CD244: variants seen among roughly 807,000 people sequenced by gnomAD.
The protein encoded by CD244 is CD244 molecule.
A neutral mutation model predicts 45.5 loss-of-function variants in CD244; 20 were observed. The ratio of observed to expected loss-of-function variants is 0.44; its 90% CI spans 0.31 to 0.64. The LOEUF is 0.64. CD244 is among the 30% of genes least tolerant of loss of function. The pLI, the probability that CD244 is intolerant of heterozygous loss-of-function variation, is 0.08. For synonymous variants in CD244, 185 were observed against 160.5 expected, an observed-to-expected ratio of 1.15 and a Z score of -1.15; for missense variants, 407 against 426.9, an observed-to-expected ratio of 0.95 and a Z score of 0.41.
At position 160,832,377 on chromosome 1, in the gene CD244, A is replaced by G. The variant is rs1669156565; in HGVS notation, c.1017+142T>C. 1.6e-5 allele frequency: 10 copies of G among 621,204 alleles called. No individual in the cohort carries two copies. The Admixed American group carries it at 2.6e-4, about 16-fold the overall frequency. The allele number at this position is 621,204 out of a possible 1,614,324, so 38.5% of individuals were successfully genotyped here. On this transcript the variant is annotated intron_variant, in intron 8 of 8. Coordinates refer to ENST00000368034, the MANE Select transcript of CD244 (RefSeq NM_016382.4). ...GCTTCAGTGTCTTCATCTCTAAAAC[A>G]AAGACTTGCATTAGAAGATCTCTAA... is the stretch of plus-strand genomic sequence containing the variant.
At chr1:160,857,540 G>A (rs534856834) in intron 1 of CD244, among the ~76,000 whole-genome samples, 10 of 152,260 alleles carry the variant, frequency 6.6e-5, no homozygotes, top group South Asian at 6.2e-4. Flanking sequence ...AGTGCATACC[G>A]TTTGATTCCA....
At chr1:160,855,765 G>T (rs1291599312) in intron 1 of CD244, among the ~76,000 whole-genome samples, 1 of 152,168 alleles carries the variant, frequency 6.6e-6, no homozygotes, top group Non-Finnish European at 1.5e-5. Flanking sequence ...CGGATGAGGT[G>T]AACTAGTAAC....
intron 1 of CD244, among the ~76,000 whole-genome samples, chr1:160,851,353 A>C (rs1263044436): frequency 6.6e-6 from 1 of 152,186 alleles, no homozygotes; most frequent in Non-Finnish European, 1.5e-5. Context: ...AAAAGACATC[A>C]CTTCGGAATT....
At chr1:160,838,427 AC>A (rs1297948414) in intron 5 of CD244, 23 bp downstream of exon 5, 2 of 1,576,150 alleles carry the variant, frequency 1.3e-6, no homozygotes, top group Non-Finnish European at 1.7e-6. Flanking sequence ...GCTGAGAGAG[AC>A]CCCAGCCTCC....
At chr1:160,850,825 C>T (rs2101886628) in intron 1 of CD244, among the ~76,000 whole-genome samples, 1 of 152,324 alleles carries the variant, frequency 6.6e-6, no homozygotes, top group Non-Finnish European at 1.5e-5. Flanking sequence ...TCAATTCTGA[C>T]ACTATCTACC....
intron 3 of CD244, 34 bp from the exon 4 acceptor site, chr1:160,839,083 T>A: frequency 6.8e-7 from 1 of 1,477,138 alleles, no homozygotes; most frequent in Non-Finnish European, 9.4e-7. Flanking sequence ...AACTGAGCTG[T>A]CAGCTCGCTC....
chr1:160,856,687 G>GA (rs1420949239), intron 1 of CD244, among the ~76,000 whole-genome samples: 1 of 152,112 alleles, frequency 6.6e-6, no homozygotes, highest in Non-Finnish European at 1.5e-5. Flanking sequence ...CTTAAGGGTA[G>GA]AATAGACATC....
intron 1 of CD244, among the ~76,000 whole-genome samples, chr1:160,849,987 G>A (rs142476964): frequency 0.014 from 2,108 of 152,056 alleles, 52 homozygotes; most frequent in African/African-American, 0.048. Flanking sequence ...ACTCCAGCCT[G>A]GGCAACAAGA....
At chr1:160,839,377 A>G (rs1029405372) in intron 3 of CD244, among the ~76,000 whole-genome samples, 3 of 152,174 alleles carry the variant, frequency 2.0e-5, no homozygotes, top group African/African-American at 7.2e-5. Context: ...CTCACCTGTA[A>G]AAGGGGATAA....
chr1:160,848,494 A>G, intron 1 of CD244: 3 of 521,750 alleles, frequency 5.7e-6, no homozygotes, highest in South Asian at 2.9e-5. Context: ...CTGAGTGTAG[A>G]CAACTCTAAT....
At chr1:160,835,015 G>T (rs1669279950) in intron 6 of CD244, among the ~76,000 whole-genome samples, 1 of 152,196 alleles carries the variant, frequency 6.6e-6, no homozygotes, top group African/African-American at 2.4e-5. Flanking sequence ...TAGAGAACTG[G>T]CAGATATCAA....
chr1:160,830,779 G>C lies in CD244; in HGVS notation c.*568C>G, dbSNP rs1313750053. ...GCCAGAGGTAAAGGTATGAGATGCA[G>C]GGAGAAAGTTTTTTCTCTGCAATTG... On this transcript the variant is annotated 3_prime_UTR_variant, in exon 9 of 9. Transcript: ENST00000368034. 6.5e-6 allele frequency: 1 copy of C among 153,420 alleles called. No individual in the cohort carries two copies. The highest frequency in any genetic ancestry group is 1.9e-4 in the East Asian group (1 of 5,248). 9.5% of individuals were successfully genotyped at this position (153,420 alleles called of 1,614,324 possible).
chr1:160,855,444 C>T (rs965066675), intron 1 of CD244, among the ~76,000 whole-genome samples: 3 of 152,112 alleles, frequency 2.0e-5, no homozygotes, highest in Admixed American at 6.5e-5. Flanking sequence ...GGTGCCAGGG[C>T]AGGGGTGCAA....
Position 160,862,633 on chromosome 1 carries a change from C to G in CD244, c.45G>C (p.Lys15Asn), listed in dbSNP as rs1670350933. ...CCTCCTTACCTTTGCCCTGATACAC[C>G]TTGAGGAGCAGGAGGAGTATGAGGG... Reference protein sequence around the residue: ...VVTLILLLLLKVYQGKGCQGS... With the variant: ...VVTLILLLLLNVYQGKGCQGS... Residue 15 changes from lysine (K) to asparagine (N), a missense_variant, in exon 1 of 9, where the codon AAG becomes AAC. Coordinates refer to ENST00000368034, the MANE Select transcript of CD244 (RefSeq NM_016382.4). 2 of 1,613,978 alleles carry G rather than the reference C, an allele frequency of 1.2e-6. No homozygotes were observed. The highest frequency in any genetic ancestry group is 1.7e-6 in the Non-Finnish European group (2 of 1,179,970).
chr1:160,835,737 T>C, intron 6 of CD244, among the ~76,000 whole-genome samples: 1 of 152,214 alleles, frequency 6.6e-6, no homozygotes, highest in East Asian at 1.9e-4. Flanking sequence ...CTCTAAACAA[T>C]AAAATTGTTT....
At chr1:160,832,821 T>C in intron 7 of CD244, 1 of 585,272 alleles carries the variant, frequency 1.7e-6, no homozygotes, top group South Asian at 1.5e-5. Context: ...GAATTTGCTG[T>C]TCCATACCCA....
intron 5 of CD244, among the ~76,000 whole-genome samples, chr1:160,837,727 C>A (rs1202657277): frequency 6.6e-6 from 1 of 152,236 alleles, no homozygotes; most frequent in Non-Finnish European, 1.5e-5. Flanking sequence ...CCCACCCTGC[C>A]CCACTTCCTG....
chr1:160,840,499 G>A (rs545695158), intron 3 of CD244, among the ~76,000 whole-genome samples: 2 of 152,106 alleles, frequency 1.3e-5, no homozygotes, highest in Admixed American at 1.3e-4. Context: ...CTGACCTTGT[G>A]ATCCACCCAC....
Position 160,838,481 on chromosome 1 carries a change from A to G in CD244, c.804T>C (p.Asp268=), listed in dbSNP as rs781582461. 3 of 1,613,726 alleles carry G rather than the reference A, an allele frequency of 1.9e-6. No homozygotes were observed. Among genetic ancestry groups the G allele is most frequent in the Non-Finnish European group, 2.5e-6 (3 of 1,179,726 alleles). Residue 268 remains aspartate (D), a synonymous_variant, in exon 5 of 9, where the codon GAT becomes GAC. Coordinates refer to ENST00000368034, the MANE Select transcript of CD244 (RefSeq NM_016382.4). ...TTCTCCTGGTTTTCAGATCCTTGAC[A>G]TCTTCGTAAATTGTCAAAAATTCCT... ...SPKEFLTIYE[D]VKDLKTRRNH...
Sources: allele counts gnomAD v4.1 joint callset (sites outside exome capture counted in the v4.1 genomes callset), GRCh38; gene constraint gnomAD v4.1.1; transcripts MANE v1.5; gene names NCBI Gene and HGNC (gene_info 2026-07-23, HGNC 2026-07-21).